Variants in AGBL4 observed in about 807,000 individuals in gnomAD.
The protein encoded by AGBL4 is cytosolic carboxypeptidase 6.
Under a neutral mutation model 66.4 loss-of-function variants are expected in AGBL4, and 58 were observed. The observed-to-expected ratio is 0.87, with a 90% CI of 0.71 to 1.09. The LOEUF is 1.09. AGBL4 is among the 50% of genes least tolerant of loss of function. AGBL4 has a pLI of 0.00. For synonymous variants in AGBL4, 234 were observed against 222.9 expected (o/e 1.05, Z -0.44); for missense variants, 579 against 631.0 (o/e 0.92, Z 0.88).
intron 3 of AGBL4, among the ~76,000 whole-genome samples, chr1:49,692,388 AT>A (rs1646905624): frequency 2.0e-5 from 3 of 152,154 alleles, no homozygotes; most frequent in South Asian, 4.1e-4. Context: ...CCAGGATGAA[AT>A]TTCAGAGCCT....
intron 11 of AGBL4, among the ~76,000 whole-genome samples, chr1:48,561,122 C>A (rs1027883215): frequency 6.6e-6 from 1 of 152,208 alleles, no homozygotes; most frequent in Non-Finnish European, 1.5e-5. Flanking sequence ...GATCCTTCAA[C>A]AAAGTGAAAG....
chr1:49,843,077 G>A (rs2148044109), intron 2 of AGBL4, among the ~76,000 whole-genome samples: 1 of 152,264 alleles, frequency 6.6e-6, no homozygotes. Context: ...AGAGTGGCCT[G>A]TCACCAGAGT....
chr1:49,742,762 T>C (rs1457276927), intron 2 of AGBL4, among the ~76,000 whole-genome samples: 1 of 152,092 alleles, frequency 6.6e-6, no homozygotes, highest in Non-Finnish European at 1.5e-5. Context: ...TCTACAACAA[T>C]CTGATCTTTG....
chr1:49,913,417 A>G (rs1419098743), intron 1 of AGBL4, among the ~76,000 whole-genome samples: 3 of 152,276 alleles, frequency 2.0e-5, no homozygotes, highest in Non-Finnish European at 4.4e-5. Flanking sequence ...TCCATTGACT[A>G]CATGCCCCAC....
intron 6 of AGBL4, among the ~76,000 whole-genome samples, chr1:48,843,486 T>A (rs1386720675): frequency 6.6e-6 from 1 of 152,184 alleles, no homozygotes; most frequent in East Asian, 1.9e-4. Flanking sequence ...TGTTTTTGTA[T>A]GGCCCATAAG....
At chr1:48,702,123 T>G (rs892223017) in intron 6 of AGBL4, among the ~76,000 whole-genome samples, 4 of 152,180 alleles carry the variant, frequency 2.6e-5, no homozygotes, top group African/African-American at 9.7e-5. Context: ...CTTTACTTCC[T>G]GCATGTCCTG....
chr1:49,936,016 G>C (rs1464017201), intron 1 of AGBL4, among the ~76,000 whole-genome samples: 3 of 152,188 alleles, frequency 2.0e-5, no homozygotes, highest in Admixed American at 2.0e-4. Context: ...AGAGAAGAAG[G>C]CTTCAGACGA....
At chr1:49,394,616 AC>A (rs1482736375) in intron 3 of AGBL4, among the ~76,000 whole-genome samples, 1 of 152,092 alleles carries the variant, frequency 6.6e-6, no homozygotes, top group Non-Finnish European at 1.5e-5. Flanking sequence ...AAAAACGTAA[AC>A]CCTGAAAACA....
At chr1:49,450,957 C>A (rs938065143) in intron 3 of AGBL4, among the ~76,000 whole-genome samples, 1 of 151,960 alleles carries the variant, frequency 6.6e-6, no homozygotes, top group African/African-American at 2.4e-5. Context: ...GTCAGAAATT[C>A]GGCATGATAT....
chr1:49,896,928 TA>T (rs987296344), intron 1 of AGBL4, among the ~76,000 whole-genome samples: 13 of 150,016 alleles, frequency 8.7e-5, no homozygotes, highest in South Asian at 2.1e-4. Flanking sequence ...ATAAAAACCC[TA>T]AAAAAAAACT....
chr1:49,349,255 A>G (rs1645700375), intron 3 of AGBL4, among the ~76,000 whole-genome samples: 1 of 152,232 alleles, frequency 6.6e-6, no homozygotes. Flanking sequence ...TAGCCTCTGT[A>G]ATAACTCTGA....
At position 48,992,869 on chromosome 1, in the gene AGBL4, C is replaced by T. The variant is rs188668574; in HGVS notation, c.594+52715G>A. Among the ~76,000 whole-genome samples, 237 of 152,270 alleles carry T rather than the reference C, an allele frequency of 1.6e-3. 1 individual carries two copies. The highest frequency in any genetic ancestry group is 5.4e-3 in the African/African-American group (225 of 41,558). On this transcript the variant is annotated intron_variant, in intron 5 of 13. Coordinates refer to ENST00000371839, the MANE Select transcript of AGBL4 (RefSeq NM_032785.4). ...AATCTGGCCAGGCCTGAAACTCACC[C>T]TTCAGGGAAGTGAGCTCCTCTCTGG...
intron 3 of AGBL4, among the ~76,000 whole-genome samples, chr1:49,442,148 A>G (rs544085987): frequency 1.3e-5 from 2 of 152,080 alleles, no homozygotes; most frequent in Non-Finnish European, 2.9e-5. Context: ...CTGAATAGAT[A>G]CTCTTTCCCA....
chr1:50,016,832 C>T (rs1396013165), intron 1 of AGBL4, among the ~76,000 whole-genome samples: 1 of 152,162 alleles, frequency 6.6e-6, no homozygotes, highest in Non-Finnish European at 1.5e-5. Flanking sequence ...AACACATACA[C>T]ATAGTTAATA....
chr1:49,871,527 T>C (rs1169624513), intron 1 of AGBL4, among the ~76,000 whole-genome samples: 1 of 152,138 alleles, frequency 6.6e-6, no homozygotes, highest in Non-Finnish European at 1.5e-5. Flanking sequence ...CTTTCCAAAA[T>C]CTAATTCTAT....
At chr1:49,877,997 G>T (rs557755887) in intron 1 of AGBL4, among the ~76,000 whole-genome samples, 1 of 152,112 alleles carries the variant, frequency 6.6e-6, no homozygotes, top group African/African-American at 2.4e-5. Context: ...TATGGGATCG[G>T]TGGTGATATC....
At chr1:49,753,584 G>C (rs6668710) in intron 2 of AGBL4, among the ~76,000 whole-genome samples, 103,793 of 152,014 alleles carry the variant, frequency 0.68, 36,140 homozygotes, top group African/African-American at 0.77. Flanking sequence ...CTGTGGTGTT[G>C]TCTGTATTCC....
chr1:49,878,747 G>A lies in AGBL4; in HGVS notation c.35-27229C>T, dbSNP rs1383953574. Among the ~76,000 whole-genome samples, 336 of 149,738 alleles carry A rather than the reference G, an allele frequency of 2.2e-3. 3 individuals are homozygous for A. The highest frequency in any genetic ancestry group is 3.8e-3 in the Non-Finnish European group (259 of 67,710). ...TTTCTGTCTCGTTGATCTGTCTAAT[G>A]TTGACAGTGGGGTGTTAAAGTCTCC... On this transcript the variant is annotated intron_variant, in intron 1 of 13. Coordinates refer to ENST00000371839, the MANE Select transcript of AGBL4 (RefSeq NM_032785.4).
chr1:48,846,401 G>T (rs187786352), intron 6 of AGBL4, among the ~76,000 whole-genome samples: 74 of 150,904 alleles, frequency 4.9e-4, no homozygotes, highest in Middle Eastern at 3.4e-3. Flanking sequence ...AAGAAAGAAA[G>T]AAAGAAAGAA....
Sources: gnomAD v4.1 joint callset for allele counts (sites outside exome capture counted in the v4.1 genomes callset) on GRCh38, gnomAD v4.1.1 for gene constraint, MANE v1.5 for transcripts, NCBI Gene and HGNC (gene_info 2026-07-23, HGNC 2026-07-21) for gene names.